Variants in BCAT1 observed in about 807,000 individuals in gnomAD.
BCAT1 encodes the protein branched-chain-amino-acid aminotransferase, cytosolic.
A neutral mutation model predicts 52.4 loss-of-function variants in BCAT1; 48 were observed. That is an observed-to-expected ratio of 0.92 (90% confidence interval 0.73 to 1.16). BCAT1 has a LOEUF of 1.16. BCAT1 is among the 50% of genes most tolerant of loss of function. The pLI is 0.00. For synonymous variants in BCAT1, 167 were observed against 161.3 expected (o/e 1.04, Z -0.27); for missense variants, 451 against 457.1 (o/e 0.99, Z 0.12).
chr12:24,845,948 T>C (rs1331440688), intron 6 of BCAT1, among the ~76,000 whole-genome samples: 1 of 152,214 alleles, frequency 6.6e-6, no homozygotes, highest in Non-Finnish European at 1.5e-5. Context: ...TAGACACAAC[T>C]ACGAAGTAGT....
At chr12:24,829,359 G>A (rs752951170) in intron 10 of BCAT1, among the ~76,000 whole-genome samples, 2 of 152,232 alleles carry the variant, frequency 1.3e-5, no homozygotes, top group African/African-American at 2.4e-5. Flanking sequence ...ACTCCAGCCT[G>A]GGCAACAAGA....
chr12:24,896,974 C>T (rs747133724), intron 2 of BCAT1, among the ~76,000 whole-genome samples: 2 of 152,196 alleles, frequency 1.3e-5, no homozygotes, highest in African/African-American at 2.4e-5. Flanking sequence ...AATTCTAACA[C>T]AAACTTTTTA....
intron 5 of BCAT1, among the ~76,000 whole-genome samples, chr12:24,857,818 T>C (rs1403171327): frequency 1.3e-5 from 2 of 152,220 alleles, no homozygotes; most frequent in Non-Finnish European, 2.9e-5. Context: ...CTTTGCATTA[T>C]GGGAGAGCTT....
Position 24,812,813 on chromosome 12 carries a change from A to G in BCAT1, c.*5195T>C, listed in dbSNP as rs1939733566. 1 of 152,030 alleles carries G rather than the reference A, an allele frequency of 6.6e-6. No homozygotes were observed. The highest frequency in any genetic ancestry group is 1.5e-5 in the Non-Finnish European group (1 of 67,884). 9.4% of individuals were successfully genotyped at this position (152,030 alleles called of 1,614,324 possible). On this transcript the variant is annotated 3_prime_UTR_variant, in exon 11 of 11. Coordinates refer to ENST00000261192, the MANE Select transcript of BCAT1 (RefSeq NM_005504.7). ...AAACCTAGCCATTGTGATAGTGGAT[A>G]TGTAGAGAAAAGCCAGTGAAACTAT...
chr12:24,850,518 T>C (rs1941476185), intron 5 of BCAT1, among the ~76,000 whole-genome samples: 1 of 152,164 alleles, frequency 6.6e-6, no homozygotes, highest in Middle Eastern at 3.2e-3. Context: ...TTAAATCAAG[T>C]TTAGCCTACA....
rs796259272 is a variant in BCAT1, at chr12:24,814,802, G to GTTTTT, written c.*3201_*3205dup. ...CTACTGCCTGCCTCTGCCTCTGTTT[G>GTTTTT]TTTTTTTTTTTTTTTTTTGTCTTAC... On this transcript the variant is annotated 3_prime_UTR_variant, in exon 11 of 11. Transcript: ENST00000261192. The GTTTTT allele has an allele frequency of 1.8e-5, 1 of 56,840 alleles. No individual in the cohort carries two copies. Among genetic ancestry groups the GTTTTT allele is most frequent in the Non-Finnish European group, 3.9e-5 (1 of 25,590 alleles). 3.5% of individuals were successfully genotyped at this position (56,840 alleles called of 1,614,324 possible). A position where few individuals can be genotyped will look rare whatever the true frequency, so the allele number is the denominator to read the frequency against.
intron 1 of BCAT1, among the ~76,000 whole-genome samples, chr12:24,938,864 CTATTTATT>C (rs10662028): frequency 6.7e-6 from 1 of 150,044 alleles, no homozygotes; most frequent in Non-Finnish European, 1.5e-5. Context: ...ATTGCCTTTG[CTATTTATT>C]TATTTATTTA....
chr12:24,833,989 T>G, intron 8 of BCAT1: 1 of 235,604 alleles, frequency 4.2e-6, no homozygotes, highest in Non-Finnish European at 6.9e-6. Context: ...CCCAACTAGG[T>G]TTTATATTTT....
At chr12:24,882,876 C>T (rs769769423) in intron 3 of BCAT1, among the ~76,000 whole-genome samples, 1 of 152,012 alleles carries the variant, frequency 6.6e-6, no homozygotes, top group Non-Finnish European at 1.5e-5. Context: ...GCTGGGATTA[C>T]AGGCATGAGC....
intron 5 of BCAT1, among the ~76,000 whole-genome samples, chr12:24,853,062 TC>T (rs1941561815): frequency 6.6e-6 from 1 of 152,230 alleles, no homozygotes; most frequent in Non-Finnish European, 1.5e-5. Flanking sequence ...AATTATCCCT[TC>T]TAGCCTGAAA....
At chr12:24,823,544 G>A (rs962390940) in intron 10 of BCAT1, among the ~76,000 whole-genome samples, 1 of 152,182 alleles carries the variant, frequency 6.6e-6, no homozygotes, top group Non-Finnish European at 1.5e-5. Context: ...CAAATCTCAT[G>A]TGGAATTGTA....
chr12:24,811,090 T>G lies in BCAT1; in HGVS notation c.*6918A>C, dbSNP rs1939663792. 1 of 152,212 alleles carries G rather than the reference T, an allele frequency of 6.6e-6. No individual in the cohort carries two copies. The highest frequency in any genetic ancestry group is 6.5e-5 in the Admixed American group (1 of 15,276). The allele number at this position is 152,212 out of a possible 1,614,324, so 9.4% of individuals were successfully genotyped here. On this transcript the variant is annotated 3_prime_UTR_variant, in exon 11 of 11. Transcript: ENST00000261192. ...CTCAAACGACAAAGCTAAGTTTTACTACAGATAAATCCATAACCAGGGGAA... is the reference window on the plus strand; with the variant it reads ...CTCAAACGACAAAGCTAAGTTTTACGACAGATAAATCCATAACCAGGGGAA...
At chr12:24,914,381 C>T (rs968436362) in intron 1 of BCAT1, among the ~76,000 whole-genome samples, 9 of 152,108 alleles carry the variant, frequency 5.9e-5, no homozygotes, top group African/African-American at 1.2e-4. Context: ...CTGTGCCCAG[C>T]GGGTGGATTA....
intron 10 of BCAT1, among the ~76,000 whole-genome samples, chr12:24,828,164 T>A (rs1940489494): frequency 6.6e-6 from 1 of 152,332 alleles, no homozygotes; most frequent in Non-Finnish European, 1.5e-5. Flanking sequence ...CCATCCGACA[T>A]CACTCAAATG....
chr12:24,836,449 G>T, intron 8 of BCAT1, 62 bp downstream of exon 8: 1 of 1,378,954 alleles, frequency 7.3e-7, no homozygotes. Flanking sequence ...CACTAGGCTG[G>T]GCTTATTTTG....
chr12:24,894,048 A>G (rs1170073367), intron 3 of BCAT1, among the ~76,000 whole-genome samples: 1 of 152,208 alleles, frequency 6.6e-6, no homozygotes, highest in Non-Finnish European at 1.5e-5. Flanking sequence ...TGCTTTAAAT[A>G]ATTTTTTTAT....
chr12:24,879,119 C>A (rs961164716), intron 4 of BCAT1, among the ~76,000 whole-genome samples: 1 of 151,924 alleles, frequency 6.6e-6, no homozygotes, highest in African/African-American at 2.4e-5. Context: ...TCTCTGTGAC[C>A]TTAAGGTAGG....
intron 2 of BCAT1, among the ~76,000 whole-genome samples, chr12:24,896,333 C>A (rs1406615837): frequency 6.6e-6 from 1 of 152,222 alleles, no homozygotes; most frequent in Admixed American, 6.5e-5. Flanking sequence ...AGACCAAATG[C>A]AGCCAGCTGG....
intron 1 of BCAT1, among the ~76,000 whole-genome samples, chr12:24,923,433 G>A (rs1025935764): frequency 6.6e-6 from 1 of 152,130 alleles, no homozygotes; most frequent in Non-Finnish European, 1.5e-5. Flanking sequence ...TTTAGACAGG[G>A]TCTCTCTCTG....
Sources: gnomAD v4.1 joint callset for allele counts (sites outside exome capture counted in the v4.1 genomes callset) on GRCh38, gnomAD v4.1.1 for gene constraint, MANE v1.5 for transcripts, NCBI Gene and HGNC (gene_info 2026-07-23, HGNC 2026-07-21) for gene names.